DCAF13: variants seen among roughly 807,000 people sequenced by gnomAD.
The protein encoded by DCAF13 is DDB1 and CUL4 associated factor 13.
Under a neutral mutation model 59.0 loss-of-function variants are expected in DCAF13, and 38 were observed. That is an observed-to-expected ratio of 0.64 (90% confidence interval 0.50 to 0.84). DCAF13 has a LOEUF of 0.84. Among genes scored for constraint, DCAF13 ranks in the 40% least tolerant of loss-of-function variants. DCAF13 has a pLI of 0.00. For missense variants in DCAF13, 469 were observed against 558.4 expected, an observed-to-expected ratio of 0.84 and a Z score of 1.61; for synonymous variants, 173 against 175.0, an observed-to-expected ratio of 0.99 and a Z score of 0.09.
At chr8:103,421,400 A>G (rs183037765) in intron 3 of DCAF13, 3 of 397,950 alleles carry the variant, frequency 7.5e-6, no homozygotes, top group Admixed American at 7.8e-5. Flanking sequence ...TAGTCAGATA[A>G]TAAGGAATCA....
At position 103,427,206 on chromosome 8, in the gene DCAF13, C is replaced by T; in HGVS notation, c.578C>T (p.Thr193Ile). ...AGAACTAATCCTATATGTTCAATGA[C>T]CTGGGGATTTGACAGTATAAGTAGT... ...EQRTNPICSM[T>I]WGFDSISSVK... The change falls in exon 5 of 11, where the codon ACC becomes ATC. Residue 193 changes from threonine (T) to isoleucine (I), a missense_variant. Thr to Ile is a moderately conservative substitution (Grantham distance 89). Transcript: ENST00000612750. 6.2e-7 allele frequency: 1 copy of T among 1,613,422 alleles called. No homozygotes were observed. Among genetic ancestry groups the T allele is most frequent in the Non-Finnish European group, 8.5e-7 (1 of 1,179,660 alleles).
At chr8:103,422,323 GCT>G (rs1816732594) in intron 3 of DCAF13, among the ~76,000 whole-genome samples, 1 of 152,166 alleles carries the variant, frequency 6.6e-6, no homozygotes, top group Non-Finnish European at 1.5e-5. Context: ...GGAGGTCAGA[GCT>G]GAACTTGACA....
At chr8:103,415,656 T>A in intron 1 of DCAF13, 140 bp downstream of exon 1, 1 of 800,984 alleles carries the variant, frequency 1.2e-6, no homozygotes, top group Non-Finnish European at 1.9e-6. Context: ...GCAAACTTTG[T>A]GCTTACGGAG....
intron 3 of DCAF13, among the ~76,000 whole-genome samples, chr8:103,425,031 T>G (rs1395375674): frequency 6.6e-6 from 1 of 152,220 alleles, no homozygotes; most frequent in Non-Finnish European, 1.5e-5. Context: ...CACTTATCTG[T>G]TTTCATCTCA....
At chr8:103,420,723 A>T in intron 2 of DCAF13, 1 of 580,212 alleles carries the variant, frequency 1.7e-6, no homozygotes, top group Non-Finnish European at 3.0e-6. Context: ...TTTTTCACAG[A>T]TGTTGTCAAC....
intron 2 of DCAF13, 81 bp downstream of exon 2, chr8:103,420,544 G>C (rs1816709011): frequency 7.1e-7 from 1 of 1,409,868 alleles, no homozygotes; most frequent in East Asian, 2.5e-5. Context: ...AGTTACTGTA[G>C]GTTTTACTTT....
intron 7 of DCAF13, among the ~76,000 whole-genome samples, 181 bp downstream of exon 7, chr8:103,432,922 C>T (rs766733860): frequency 1.1e-4 from 17 of 152,078 alleles, no homozygotes; most frequent in Non-Finnish European, 2.2e-4. Context: ...GTATTTATTT[C>T]GTCAGTATTT....
chr8:103,438,777 G>T (rs1816966196), intron 8 of DCAF13, among the ~76,000 whole-genome samples: 1 of 152,080 alleles, frequency 6.6e-6, no homozygotes, highest in Admixed American at 6.5e-5. Flanking sequence ...ATAGTTTATT[G>T]AGCCTGTTTC....
At position 103,415,424 on chromosome 8, in the gene DCAF13, G is replaced by A. The variant is rs13276522; in HGVS notation, c.-23G>A. 3.1e-6 allele frequency: 5 copies of A among 1,614,058 alleles called. No individual in the cohort carries two copies. Among genetic ancestry groups the A allele is most frequent in the Admixed American group, 3.3e-5 (2 of 60,018 alleles). On this transcript the variant is annotated 5_prime_UTR_variant, in exon 1 of 11. Coordinates refer to ENST00000612750, the MANE Select transcript of DCAF13 (RefSeq NM_015420.7). ...GAACTCCTAGCGGACACCTCGTGGA[G>A]TCCGGCCGGAAGAGCAACCGAGATG...
At chr8:103,440,363 G>A in intron 9 of DCAF13, 92 bp downstream of exon 9, 11 of 1,209,980 alleles carry the variant, frequency 9.1e-6, no homozygotes, top group Middle Eastern at 2.4e-4. Flanking sequence ...GGTATTTTTG[G>A]GTATTTTGAT....
chr8:103,420,940 A>G, intron 2 of DCAF13, 35 bp from the exon 3 acceptor site: 6 of 1,319,520 alleles, frequency 4.5e-6, no homozygotes, highest in Non-Finnish European at 5.5e-6. Flanking sequence ...TTACATTTAT[A>G]GTTCACTGAA....
chr8:103,443,079 T>C lies in DCAF13; in HGVS notation c.*197T>C. On this transcript the variant is annotated 3_prime_UTR_variant, in exon 11 of 11. Transcript: ENST00000612750. ...TGGTAAGACTGTTTTATCCTTAATC[T>C]GCATTCTTCTTTCATTGTAGAATAC... 1 of 436,192 alleles carries C rather than the reference T, an allele frequency of 2.3e-6. No homozygotes were observed. Among genetic ancestry groups the C allele is most frequent in the Non-Finnish European group, 4.1e-6 (1 of 244,178 alleles). 27.0% of individuals were successfully genotyped at this position (436,192 alleles called of 1,614,324 possible).
At chr8:103,428,585 G>C (rs1816823042) in intron 5 of DCAF13, 1 of 152,138 alleles carries the variant, frequency 6.6e-6, no homozygotes, top group Non-Finnish European at 1.5e-5. Flanking sequence ...GGTTGTAGAA[G>C]AGAGAAGTGG....
At chr8:103,424,238 A>G (rs949546373) in intron 3 of DCAF13, among the ~76,000 whole-genome samples, 9 of 152,096 alleles carry the variant, frequency 5.9e-5, no homozygotes, top group African/African-American at 1.9e-4. Context: ...CGTGTTAGCC[A>G]TGATGGTCTC....
intron 3 of DCAF13, among the ~76,000 whole-genome samples, chr8:103,425,692 A>G (rs977450787): frequency 1.3e-5 from 2 of 152,276 alleles, no homozygotes; most frequent in African/African-American, 2.4e-5. Context: ...TTATTTTCAC[A>G]TAAGGCATCA....
chr8:103,436,833 A>G lies in DCAF13; in HGVS notation c.950+1043A>G, dbSNP rs190775894. Among the ~76,000 whole-genome samples the G allele has an allele frequency of 2.4e-3, 358 of 152,270 alleles. 2 individuals carry two copies. Among genetic ancestry groups the G allele is most frequent in the Non-Finnish European group, 4.0e-3 (274 of 68,012 alleles). The stretch of plus-strand genomic sequence containing the variant: ...CATAAAATAAATCCAAATAAATGGA[A>G]ATAATTTTTCTCAAAAAATTATGAT... On this transcript the variant is annotated intron_variant, in intron 8 of 10. Coordinates refer to ENST00000612750, the MANE Select transcript of DCAF13 (RefSeq NM_015420.7).
intron 3 of DCAF13, among the ~76,000 whole-genome samples, chr8:103,424,747 A>G (rs983695451): frequency 1.3e-5 from 2 of 152,190 alleles, no homozygotes; most frequent in African/African-American, 4.8e-5. Context: ...GACACAGTTT[A>G]TCCTGTATTC....
In DCAF13 at chr8:103,420,252, T is replaced by C. The variant is rs570380346; in HGVS notation, c.71-12T>C. Reference sequence around the variant, plus strand: ...AAGTGTGAATTATTAAGAAGGATCATTCTTATTTCAGTTCCAAGAAACTAT... The same window carrying C: ...AAGTGTGAATTATTAAGAAGGATCACTCTTATTTCAGTTCCAAGAAACTAT... On this transcript the variant is annotated splice_polypyrimidine_tract_variant and intron_variant, in intron 1 of 10. Coordinates refer to ENST00000612750, the MANE Select transcript of DCAF13 (RefSeq NM_015420.7). 39 of 1,611,692 alleles carry C rather than the reference T, an allele frequency of 2.4e-5. No individual in the cohort carries two copies. Among genetic ancestry groups the C allele is most frequent in the Middle Eastern group, 3.3e-4 (2 of 6,060 alleles).
chr8:103,416,407 A>G (rs1816613548), intron 1 of DCAF13, among the ~76,000 whole-genome samples: 1 of 152,194 alleles, frequency 6.6e-6, no homozygotes, highest in Admixed American at 6.5e-5. Flanking sequence ...CAGTCCTTGA[A>G]TCTCTGGTCC....
Sources: allele counts gnomAD v4.1 joint callset (sites outside exome capture counted in the v4.1 genomes callset), GRCh38; gene constraint gnomAD v4.1.1; transcripts MANE v1.5; gene names NCBI Gene and HGNC (gene_info 2026-07-23, HGNC 2026-07-21).